XKR4: variants seen among roughly 807,000 people sequenced by gnomAD.
The protein encoded by XKR4 is XK related 4.
In XKR4, 12 loss-of-function variants were observed where a neutral mutation model predicts 53.9. That is an observed-to-expected ratio of 0.22 (90% CI 0.14 to 0.36). The LOEUF (loss-of-function observed/expected upper bound fraction) is 0.36. XKR4 is among the 10% of genes least tolerant of loss of function. XKR4 has a pLI of 1.00. For missense variants in XKR4, 799 were observed against 859.5 expected, an observed-to-expected ratio of 0.93 and a Z score of 0.88; for synonymous variants, 354 against 362.4, an observed-to-expected ratio of 0.98 and a Z score of 0.26.
At chr8:55,130,187 G>A (rs978236626) in intron 1 of XKR4, among the ~76,000 whole-genome samples, 4 of 152,126 alleles carry the variant, frequency 2.6e-5, no homozygotes, top group Admixed American at 1.3e-4. Context: ...AGGAAATACA[G>A]ATATACTCAA....
chr8:55,250,983 T>A (rs1036356238), intron 1 of XKR4, among the ~76,000 whole-genome samples: 3 of 152,204 alleles, frequency 2.0e-5, no homozygotes, highest in Non-Finnish European at 2.9e-5. Flanking sequence ...ACACAATTTA[T>A]AAAGCACACT....
At chr8:55,428,569 GAGA>G (rs1805053282) in intron 2 of XKR4, among the ~76,000 whole-genome samples, 2 of 152,206 alleles carry the variant, frequency 1.3e-5, no homozygotes, top group African/African-American at 4.8e-5. Flanking sequence ...AGTGGTGTTA[GAGA>G]AGAAGTCCGG....
rs533032404 is a variant in XKR4, at chr8:55,281,951, TC to T, written c.807-75725del. Among the ~76,000 whole-genome samples, 182 of 152,288 alleles carry T rather than the reference TC, an allele frequency of 1.2e-3. 1 individual carries two copies. The highest frequency in any genetic ancestry group is 2.0e-3 in the Non-Finnish European group (138 of 68,014). On this transcript the variant is annotated intron_variant, in intron 1 of 2. Coordinates refer to ENST00000327381, the MANE Select transcript of XKR4 (RefSeq NM_052898.2). ...TAACTGTAGGACTCACCTAACATCT[TC>T]CTTGGCTTATGTGCTTCCTGCTGGA...
At chr8:55,362,277 G>A (rs1324829037) in intron 2 of XKR4, among the ~76,000 whole-genome samples, 1 of 152,140 alleles carries the variant, frequency 6.6e-6, no homozygotes, top group Non-Finnish European at 1.5e-5. Context: ...GTGAAAACGG[G>A]AAAAATAGTT....
At position 55,246,461 on chromosome 8, in the gene XKR4, T is replaced by A. The variant is rs564395172; in HGVS notation, c.807-111217T>A. ...ACATCTTGGTCTCATCTATTTGTGA[T>A]CACTTGTACCTACAGACAAATTGAA... On this transcript the variant is annotated intron_variant, in intron 1 of 2. Transcript: ENST00000327381. 2.0e-4 allele frequency among the ~76,000 whole-genome samples: 31 copies of A among 152,336 alleles called. No homozygotes were observed. In the South Asian group the frequency reaches 6.0e-3, roughly 30 times the overall value.
In XKR4 at chr8:55,187,142, T is replaced by G. The variant is rs192263588; in HGVS notation, c.806+83848T>G. Among the ~76,000 whole-genome samples, 21 of 152,164 alleles carry G rather than the reference T, an allele frequency of 1.4e-4. No individual in the cohort carries two copies. In the East Asian group the frequency reaches 3.5e-3, roughly 25 times the overall value. ...CAATTTCAGCTCTTCATTAGTGGTTTGAAGGACAGTGGCTTCCTGTAACTT... is the reference window on the plus strand; with the variant it reads ...CAATTTCAGCTCTTCATTAGTGGTTGGAAGGACAGTGGCTTCCTGTAACTT... On this transcript the variant is annotated intron_variant, in intron 1 of 2. Coordinates refer to ENST00000327381, the MANE Select transcript of XKR4 (RefSeq NM_052898.2).
chr8:55,358,009 C>A, intron 2 of XKR4, 132 bp downstream of exon 2: 4 of 868,834 alleles, frequency 4.6e-6, no homozygotes, highest in Non-Finnish European at 5.2e-6. Context: ...ACATGTGTTT[C>A]GTGAATGATG....
intron 2 of XKR4, among the ~76,000 whole-genome samples, chr8:55,486,497 T>G (rs972279030): frequency 8.5e-5 from 13 of 152,258 alleles, no homozygotes; most frequent in Non-Finnish European, 1.5e-5. Context: ...TCTAAAAGTC[T>G]CTGCACAATT....
chr8:55,181,269 G>T (rs77596585), intron 1 of XKR4, among the ~76,000 whole-genome samples: 7 of 151,946 alleles, frequency 4.6e-5, no homozygotes, highest in African/African-American at 1.4e-4. Context: ...TTCTTTCTCT[G>T]TGTGTGTCTC....
chr8:55,245,112 G>A (rs563536056), intron 1 of XKR4, among the ~76,000 whole-genome samples: 1 of 151,856 alleles, frequency 6.6e-6, no homozygotes, highest in South Asian at 2.1e-4. Flanking sequence ...TCACCATGTT[G>A]GCAAGGCTGG....
chr8:55,491,353 C>G (rs920555419), intron 2 of XKR4, among the ~76,000 whole-genome samples: 2 of 152,104 alleles, frequency 1.3e-5, no homozygotes, highest in Non-Finnish European at 2.9e-5. Context: ...TTTTCTGTAG[C>G]TTTACATTGT....
chr8:55,467,262 T>G (rs1805789405), intron 2 of XKR4, among the ~76,000 whole-genome samples: 1 of 152,164 alleles, frequency 6.6e-6, no homozygotes, highest in African/African-American at 2.4e-5. Flanking sequence ...TGGTGTCACT[T>G]GCCTCCAGAC....
intron 2 of XKR4, among the ~76,000 whole-genome samples, chr8:55,457,437 T>C (rs2975976): frequency 0.41 from 62,324 of 152,134 alleles, 13,407 homozygotes; most frequent in East Asian, 0.53. Flanking sequence ...CCACCGTGCC[T>C]GGCTTTGCTG....
chr8:55,471,023 G>T (rs151188589), intron 2 of XKR4, among the ~76,000 whole-genome samples: 33 of 152,192 alleles, frequency 2.2e-4, no homozygotes, highest in African/African-American at 7.7e-4. Context: ...GTCCTGGAAA[G>T]GTCTGGCAAC....
intron 1 of XKR4, among the ~76,000 whole-genome samples, chr8:55,268,026 A>G (rs1337679925): frequency 3.9e-5 from 6 of 152,226 alleles, no homozygotes; most frequent in Admixed American, 3.9e-4. Flanking sequence ...AGATTAAGCG[A>G]TTAATTGAGG....
intron 2 of XKR4, among the ~76,000 whole-genome samples, chr8:55,519,634 AG>A (rs1193072487): frequency 6.6e-6 from 1 of 152,230 alleles, no homozygotes; most frequent in Non-Finnish European, 1.5e-5. Context: ...GATCCTGTAT[AG>A]GGGAGAAAAA....
intron 2 of XKR4, among the ~76,000 whole-genome samples, chr8:55,405,584 C>A (rs1804669064): frequency 6.6e-6 from 1 of 152,194 alleles, no homozygotes; most frequent in South Asian, 2.1e-4. Flanking sequence ...AAGCAGGGAA[C>A]AGCCTGCCCT....
At chr8:55,393,055 A>C (rs1291567109) in intron 2 of XKR4, among the ~76,000 whole-genome samples, 1 of 152,174 alleles carries the variant, frequency 6.6e-6, no homozygotes, top group Non-Finnish European at 1.5e-5. Flanking sequence ...AATTAGAAGC[A>C]TCATCATTTT....
intron 1 of XKR4, among the ~76,000 whole-genome samples, chr8:55,255,247 G>A (rs1325536952): frequency 6.6e-6 from 1 of 152,092 alleles, no homozygotes; most frequent in African/African-American, 2.4e-5. Flanking sequence ...TTTTACTAGC[G>A]GTGTGGCCTT....
Sources: gnomAD v4.1 joint callset for allele counts (sites outside exome capture counted in the v4.1 genomes callset) on GRCh38, gnomAD v4.1.1 for gene constraint, MANE v1.5 for transcripts, NCBI Gene and HGNC (gene_info 2026-07-23, HGNC 2026-07-21) for gene names.